The following GLIS3 variants were observed in gnomAD, a reference collection of about 807,000 sequenced individuals.
The protein encoded by GLIS3 is zinc finger protein GLIS3.
A neutral mutation model predicts 78.6 loss-of-function variants in GLIS3; 53 were observed. That is an observed-to-expected ratio of 0.67 (90% CI 0.54 to 0.85). The LOEUF is 0.85. Ranked by LOEUF, GLIS3 falls within the 40% of genes least tolerant of loss-of-function variation. The probability of loss-of-function intolerance (pLI) is 0.00; values close to 1 mark genes in which losing one functional copy is unlikely to be tolerated. For missense variants in GLIS3, 1,703 were observed against 1,231.1 expected, an observed-to-expected ratio of 1.38 and a Z score of -5.74; for synonymous variants, 684 against 509.9, an observed-to-expected ratio of 1.34 and a Z score of -4.60.
intron 4 of GLIS3, among the ~76,000 whole-genome samples, chr9:4,099,960 A>T (rs994462736): frequency 6.6e-6 from 1 of 152,206 alleles, no homozygotes; most frequent in Admixed American, 6.5e-5. Flanking sequence ...CTCTCATGTA[A>T]TTTCTCTGAC....
At chr9:4,353,256 G>A (rs1023126946), upstream of GLIS3, among the ~76,000 whole-genome samples, 21 of 152,120 alleles carry the variant, frequency 1.4e-4, no homozygotes, top group African/African-American at 5.1e-4. Flanking sequence ...CCACAGGCTG[G>A]GTACAGATGT....
chr9:3,938,003 A>T (rs1044948986), intron 4 of GLIS3, among the ~76,000 whole-genome samples: 1 of 152,216 alleles, frequency 6.6e-6, no homozygotes, highest in Non-Finnish European at 1.5e-5. Flanking sequence ...CATTTACTCA[A>T]TGTCTTCTGA....
chr9:4,451,678 C>G, the GLIS3 span, among the ~76,000 whole-genome samples: 2 of 152,112 alleles, frequency 1.3e-5, no homozygotes, highest in African/African-American at 2.4e-5. Context: ...CAAATTAGAA[C>G]CCAGGATAAA....
chr9:4,297,934 G>C (rs1479538118), intron 1 of GLIS3, among the ~76,000 whole-genome samples: 1 of 146,380 alleles, frequency 6.8e-6, no homozygotes. Context: ...CCTCGGCGCG[G>C]AGCTAGGGGC....
intron 9 of GLIS3, among the ~76,000 whole-genome samples, chr9:3,836,711 A>G (rs1451916157): frequency 1.3e-5 from 2 of 152,286 alleles, no homozygotes; most frequent in Non-Finnish European, 2.9e-5. Flanking sequence ...GGTATCCCCT[A>G]AGACCCAGCA....
At chr9:3,836,075 T>C (rs963152024) in intron 9 of GLIS3, among the ~76,000 whole-genome samples, 1 of 152,234 alleles carries the variant, frequency 6.6e-6, no homozygotes, top group Non-Finnish European at 1.5e-5. Context: ...AAGGAAGTTT[T>C]GACTGTGGTT....
At chr9:3,957,521 A>G (rs1299407479) in intron 4 of GLIS3, among the ~76,000 whole-genome samples, 2 of 152,202 alleles carry the variant, frequency 1.3e-5, no homozygotes, top group African/African-American at 4.8e-5. Context: ...GGGACTTATC[A>G]AGCAGCCCTA....
intron 1 of GLIS3, among the ~76,000 whole-genome samples, chr9:4,294,951 G>C: frequency 6.6e-6 from 1 of 152,178 alleles, no homozygotes; most frequent in Non-Finnish European, 1.5e-5. Context: ...TACAATATAA[G>C]TGAGGTGTGA....
chr9:4,290,040 AC>A (rs1291221137), intron 1 of GLIS3, among the ~76,000 whole-genome samples: 1 of 152,158 alleles, frequency 6.6e-6, no homozygotes, highest in African/African-American at 2.4e-5. Context: ...AAAAGATTAA[AC>A]AAACGAAAAG....
intron 2 of GLIS3, among the ~76,000 whole-genome samples, chr9:4,249,039 G>C (rs144130864): frequency 1.2e-3 from 176 of 152,254 alleles, no homozygotes; most frequent in African/African-American, 4.1e-3. Flanking sequence ...TACCCTTGTA[G>C]TATAGTTTGA....
In GLIS3 at chr9:4,117,756, T is replaced by A. The variant is rs370657809; in HGVS notation, c.1710+12A>T. ...TTCAAGAGAGGTCACCCCTTGCGCT[T>A]CGGAAACTCACCGTACACTTGTTGG... is the stretch of plus-strand genomic sequence containing the variant. On this transcript the variant is annotated intron_variant, in intron 4 of 10. Transcript: ENST00000381971. The A allele has an allele frequency of 2.5e-6, 4 of 1,614,006 alleles. No homozygotes were observed. In the African/African-American group the frequency reaches 5.3e-5, roughly 22 times the overall value.
At chr9:4,228,411 T>C (rs1169455310) in intron 2 of GLIS3, among the ~76,000 whole-genome samples, 1 of 152,176 alleles carries the variant, frequency 6.6e-6, no homozygotes, top group African/African-American at 2.4e-5. Context: ...AGTGCAATGA[T>C]ACATTCTCAT....
At chr9:4,449,181 T>C in the GLIS3 span, among the ~76,000 whole-genome samples, 1 of 152,206 alleles carries the variant, frequency 6.6e-6, no homozygotes, top group Non-Finnish European at 1.5e-5. Flanking sequence ...CATGCATGGC[T>C]TGGCGGATCC....
intron 4 of GLIS3, among the ~76,000 whole-genome samples, chr9:4,001,593 T>G (rs904918355): frequency 6.6e-6 from 1 of 152,220 alleles, no homozygotes; most frequent in Non-Finnish European, 1.5e-5. Flanking sequence ...GTTCATTTTC[T>G]TTAAAAGGAA....
At chr9:3,935,268 A>AATT (rs1331481347) in intron 5 of GLIS3, among the ~76,000 whole-genome samples, 1 of 152,182 alleles carries the variant, frequency 6.6e-6, no homozygotes, top group Non-Finnish European at 1.5e-5. Context: ...TGCAGTAAAA[A>AATT]ATTTAAACAG....
intron 4 of GLIS3, among the ~76,000 whole-genome samples, chr9:4,111,454 G>C (rs1831201793): frequency 6.6e-6 from 1 of 152,158 alleles, no homozygotes; most frequent in Non-Finnish European, 1.5e-5. Context: ...CAGTTCCCCA[G>C]GTAAACTGAA....
chr9:4,112,995 T>A (rs1003341712), intron 4 of GLIS3, among the ~76,000 whole-genome samples: 5 of 144,580 alleles, frequency 3.5e-5, no homozygotes. Flanking sequence ...ATTTTATTTA[T>A]CTACATAAAT....
At chr9:4,021,037 T>G (rs1411731693) in intron 4 of GLIS3, among the ~76,000 whole-genome samples, 2 of 152,232 alleles carry the variant, frequency 1.3e-5, no homozygotes, top group African/African-American at 4.8e-5. Context: ...TAACAGGAAC[T>G]GAGCATCTGC....
chr9:4,396,715 A>C, the GLIS3 span, among the ~76,000 whole-genome samples: 2 of 152,236 alleles, frequency 1.3e-5, no homozygotes, highest in African/African-American at 2.4e-5. Context: ...GTATATGTAC[A>C]GACATAAATT....
Sources: allele counts gnomAD v4.1 joint callset (sites outside exome capture counted in the v4.1 genomes callset), GRCh38; gene constraint gnomAD v4.1.1; transcripts MANE v1.5; gene names NCBI Gene and HGNC (gene_info 2026-07-23, HGNC 2026-07-21).